AFF4: variants seen among roughly 807,000 people sequenced by gnomAD.
The protein encoded by AFF4 is AF4/FMR2 family member 4.
AFF4 carries 13 observed loss-of-function variants against 124.8 expected under a neutral mutation model. The observed-to-expected ratio is 0.10, with a 90% CI of 0.07 to 0.17. AFF4 has a LOEUF of 0.17. Ranked by LOEUF, AFF4 falls within the 10% of genes least tolerant of loss-of-function variation. The probability of loss-of-function intolerance (pLI) is 1.00; values close to 1 mark genes in which losing one functional copy is unlikely to be tolerated. For missense variants in AFF4, 1,092 were observed against 1,403.8 expected (o/e 0.78, Z 3.55); for synonymous variants, 477 against 496.1 (o/e 0.96, Z 0.51).
At chr5:132,890,158 T>G (rs948346791) in intron 13 of AFF4, among the ~76,000 whole-genome samples, 1 of 151,146 alleles carries the variant, frequency 6.6e-6, no homozygotes, top group African/African-American at 2.4e-5. Flanking sequence ...CATATAAAAT[T>G]TTTTATATTT....
At chr5:132,927,377 G>A (rs891347704) in intron 4 of AFF4, 170 bp from the exon 5 acceptor site, 2 of 525,224 alleles carry the variant, frequency 3.8e-6, no homozygotes, top group Non-Finnish European at 6.6e-6. Flanking sequence ...CTATGGTGTA[G>A]GTAATAAGAA....
chr5:132,881,122 A>C lies in AFF4; in HGVS notation c.3429T>G (p.Asp1143Glu). The change falls in exon 21 of 21, where the codon GAT becomes GAG. Residue 1143 changes from aspartate to glutamate, a missense_variant. Asp to Glu is a conservative substitution (Grantham distance 45). This residue lies in a region of AFF4 where 173 missense variants were observed against 294.9 expected (regional missense o/e 0.59). Transcript: ENST00000265343. Reference protein sequence around the residue: ...PLIFNASIMTDLVRYTRQGLH... With the variant: ...PLIFNASIMTELVRYTRQGLH... The stretch of plus-strand genomic sequence containing the variant: ...GTCCCTGCCGGGTATAACGAACTAG[A>C]TCTGTCATGATGCTTGCATTAAAGA... 1 of 1,614,218 alleles carries C rather than the reference A, an allele frequency of 6.2e-7. No individual in the cohort carries two copies. Among genetic ancestry groups the C allele is most frequent in the South Asian group, 1.1e-5 (1 of 91,086 alleles).
intron 5 of AFF4, among the ~76,000 whole-genome samples, chr5:132,908,138 A>T (rs1462580146): frequency 2.0e-5 from 3 of 151,606 alleles, no homozygotes; most frequent in Admixed American, 6.6e-5. Context: ...TTAATCATAT[A>T]CTCCATTACT....
Position 132,904,402 on chromosome 5 carries a change from C to A in AFF4, c.1053G>T (p.Glu351Asp). ...EPSKFPFPTKESQQSNFGTGE... is the reference protein window; with the variant it reads ...EPSKFPFPTKDSQQSNFGTGE... ...CAGTGCCAAAATTGGACTGCTGAGA[C>A]TCCTAAGAAAAAGGAACATAAAATT... Residue 351 changes from glutamate (E) to aspartate (D), a missense_variant and splice_region_variant, in exon 6 of 21, where the codon GAG becomes GAT. Physicochemically the swap from Glu to Asp is conservative, Grantham distance 45. This residue lies in a region of AFF4 where 148 missense variants were observed against 196.3 expected (regional missense o/e 0.75). Coordinates refer to ENST00000265343, the MANE Select transcript of AFF4 (RefSeq NM_014423.4). The A allele has an allele frequency of 6.2e-7, 1 of 1,607,852 alleles. No homozygotes were observed. The highest frequency in any genetic ancestry group is 1.1e-5 in the South Asian group (1 of 90,164).
intron 1 of AFF4, among the ~76,000 whole-genome samples, chr5:132,955,642 G>C (rs1027457391): frequency 1.3e-5 from 2 of 151,622 alleles, no homozygotes; most frequent in African/African-American, 4.8e-5. Context: ...GCCGGGCGTG[G>C]TGGCGGGCGC....
chr5:132,948,453 A>C (rs1761751680), intron 1 of AFF4: 1 of 152,486 alleles, frequency 6.6e-6, no homozygotes, highest in South Asian at 2.1e-4. Flanking sequence ...AAACAATACT[A>C]AAAATCAGAG....
intron 5 of AFF4, among the ~76,000 whole-genome samples, chr5:132,925,035 C>T (rs556690130): frequency 1.5e-3 from 229 of 151,854 alleles, no homozygotes; most frequent in African/African-American, 5.5e-3. Context: ...ATCAGCTGGG[C>T]GTGGTGGCGG....
chr5:132,901,998 A>G (rs1760563529), intron 7 of AFF4, among the ~76,000 whole-genome samples: 1 of 152,190 alleles, frequency 6.6e-6, no homozygotes, highest in African/African-American at 2.4e-5. Flanking sequence ...ATATTTCACT[A>G]TCTGACCCTT....
chr5:132,877,919 G>A lies in AFF4; in HGVS notation c.*3140C>T, dbSNP rs1033235961. On this transcript the variant is annotated 3_prime_UTR_variant, in exon 21 of 21. Coordinates refer to ENST00000265343, the MANE Select transcript of AFF4 (RefSeq NM_014423.4). The stretch of plus-strand genomic sequence containing the variant: ...GTGCAGCCCAAGTGCCTATGAATCC[G>A]CCACTGCCAGAGCTCCCAGAAACAC... 1.8e-5 allele frequency: 4 copies of A among 224,092 alleles called. No homozygotes were observed. Among genetic ancestry groups the A allele is most frequent in the East Asian group, 6.5e-5 (1 of 15,418 alleles). 13.9% of individuals were successfully genotyped at this position (224,092 alleles called of 1,614,324 possible).
intron 5 of AFF4, among the ~76,000 whole-genome samples, chr5:132,919,076 C>T (rs572681736): frequency 1.3e-5 from 2 of 152,030 alleles, no homozygotes; most frequent in South Asian, 2.1e-4. Context: ...TTAGTAGAGA[C>T]GGGGTTTCAC....
At chr5:132,936,917 A>G in intron 2 of AFF4, 150 bp downstream of exon 2, 1 of 1,076,688 alleles carries the variant, frequency 9.3e-7, no homozygotes, top group African/African-American at 1.6e-5. Context: ...GTTTATCCCC[A>G]AAAAATATCT....
At chr5:132,893,724 C>CAAG (rs1316773624) in intron 11 of AFF4, among the ~76,000 whole-genome samples, 6 of 152,058 alleles carry the variant, frequency 3.9e-5, no homozygotes, top group Non-Finnish European at 1.5e-5. Flanking sequence ...ATGATCCGCC[C>CAAG]GCCTTGGCCT....
intron 5 of AFF4, among the ~76,000 whole-genome samples, chr5:132,916,982 G>A (rs1375591382): frequency 1.3e-5 from 2 of 152,022 alleles, no homozygotes; most frequent in Non-Finnish European, 2.9e-5. Flanking sequence ...GTGCAATGGG[G>A]TGATCTTGGC....
intron 20 of AFF4, among the ~76,000 whole-genome samples, chr5:132,882,639 G>C (rs181359889): frequency 6.6e-6 from 1 of 151,924 alleles, no homozygotes; most frequent in Non-Finnish European, 1.5e-5. Context: ...GGCAGATCAC[G>C]AGGTCAGCAG....
chr5:132,936,266 C>CAAAAAAAAAAA (rs747936348), intron 2 of AFF4, among the ~76,000 whole-genome samples: 1 of 45,460 alleles, frequency 2.2e-5, no homozygotes, highest in African/African-American at 8.8e-5. Flanking sequence ...GACTCCGTCT[C>CAAAAAAAAAAA]AAAAAAAAAA....
At chr5:132,935,940 C>A (rs1175245967) in intron 2 of AFF4, among the ~76,000 whole-genome samples, 1 of 144,336 alleles carries the variant, frequency 6.9e-6, no homozygotes, top group Non-Finnish European at 1.5e-5. Context: ...AAAAAAAAAA[C>A]TTTTGAAGAA....
chr5:132,930,819 A>C (rs1164323562), intron 4 of AFF4, among the ~76,000 whole-genome samples: 1 of 151,804 alleles, frequency 6.6e-6, no homozygotes, highest in African/African-American at 2.4e-5. Flanking sequence ...AAATACCCAA[A>C]ATGTTGGCTG....
rs1483300615 is a variant in AFF4, at chr5:132,880,517, A to G, written c.*542T>C. On this transcript the variant is annotated 3_prime_UTR_variant, in exon 21 of 21. Transcript: ENST00000265343. ...CCACAATAATAAAATTGGAGTTAAG[A>G]TTTCAAATATCAGGTCAGGTAGCAG... is the stretch of plus-strand genomic sequence containing the variant. The G allele has an allele frequency of 2.5e-6, 1 of 395,624 alleles. No homozygotes were observed. Among genetic ancestry groups the G allele is most frequent in the African/African-American group, 2.1e-5 (1 of 48,582 alleles). The allele number at this position is 395,624 out of a possible 1,614,324, so 24.5% of individuals were successfully genotyped here.
intron 4 of AFF4, among the ~76,000 whole-genome samples, chr5:132,929,745 G>C (rs1025828749): frequency 3.3e-5 from 5 of 152,092 alleles, no homozygotes; most frequent in African/African-American, 1.2e-4. Flanking sequence ...TATTAAATTT[G>C]GATACTATTC....
Sources: allele counts gnomAD v4.1 joint callset (sites outside exome capture counted in the v4.1 genomes callset), GRCh38; gene constraint gnomAD v4.1.1; regional missense constraint gnomAD v4.1.1; transcripts MANE v1.5; gene names NCBI Gene and HGNC (gene_info 2026-07-23, HGNC 2026-07-21).